Variants in NDEL1 observed in about 807,000 individuals in gnomAD.
NDEL1 encodes nuclear distribution protein nudE-like 1.
A neutral mutation model predicts 45.7 loss-of-function variants in NDEL1; 9 were observed. The ratio of observed to expected loss-of-function variants is 0.20; its 90% confidence interval spans 0.12 to 0.34. NDEL1 has a LOEUF of 0.34. Among genes scored for constraint, NDEL1 ranks in the 10% least tolerant of loss-of-function variants. NDEL1 has a pLI of 1.00. For missense variants in NDEL1, 306 were observed against 406.2 expected (o/e 0.75, Z 2.12); for synonymous variants, 133 against 158.6 (o/e 0.84, Z 1.21).
intron 1 of NDEL1, among the ~76,000 whole-genome samples, chr17:8,423,624 C>T (rs1269682449): frequency 6.6e-6 from 1 of 152,118 alleles, no homozygotes; most frequent in Non-Finnish European, 1.5e-5. Context: ...GCGAAGGTTG[C>T]AGTGAGCCGA....
rs1911652934 is a variant in NDEL1 at position 8,467,160 on chromosome 17, A to T, written c.*137A>T. The T allele has an allele frequency of 2.5e-6, 2 of 802,144 alleles. No homozygotes were observed. Among genetic ancestry groups the T allele is most frequent in the Non-Finnish European group, 4.0e-6 (2 of 494,986 alleles). The allele number at this position is 802,144 out of a possible 1,614,324, so 49.7% of individuals were successfully genotyped here. A position where few individuals can be genotyped will look rare whatever the true frequency, so the allele number is the denominator to read the frequency against. On this transcript the variant is annotated 3_prime_UTR_variant, in exon 9 of 9. Transcript: ENST00000334527. This position sits in a 1 kb window ranked among gnomAD's most constrained non-coding sequence, Gnocchi z 6.3. The stretch of plus-strand genomic sequence containing the variant: ...GGCTGGCAGAGGGCAGGCTGCATGC[A>T]GTGGCGGCTACTGGGCCCTGCCCAG...
intron 1 of NDEL1, among the ~76,000 whole-genome samples, chr17:8,421,543 C>T (rs1268363634): frequency 6.6e-6 from 1 of 152,166 alleles, no homozygotes; most frequent in South Asian, 2.1e-4. Context: ...TCTCTCCGAG[C>T]TTTCAGGAGG....
upstream of NDEL1, chr17:8,435,708 T>G: frequency 3.0e-6 from 1 of 332,080 alleles, no homozygotes; most frequent in Non-Finnish European, 5.9e-6. Context: ...CAGGAGCGCC[T>G]GCGCAAGAGG....
intron 1 of NDEL1, among the ~76,000 whole-genome samples, chr17:8,430,756 A>G (rs1207276450): frequency 2.6e-5 from 4 of 152,186 alleles, no homozygotes; most frequent in African/African-American, 4.8e-5. Flanking sequence ...TACCACCACA[A>G]GGGCTGGTTT....
intron 1 of NDEL1, among the ~76,000 whole-genome samples, chr17:8,424,532 T>C (rs1976346): frequency 0.97 from 147,916 of 152,342 alleles, 71,972 homozygotes; most frequent in Middle Eastern, 1. Flanking sequence ...GACGGAGTCT[T>C]GTTCTGTCGC....
At chr17:8,437,586 T>C (rs1227694777) in intron 1 of NDEL1, among the ~76,000 whole-genome samples, 1 of 152,202 alleles carries the variant, frequency 6.6e-6, no homozygotes, top group Non-Finnish European at 1.5e-5. Context: ...AGACCGTGTT[T>C]ATGATCAACT....
intron 8 of NDEL1, chr17:8,463,326 A>G: frequency 6.2e-7 from 1 of 1,612,676 alleles, no homozygotes; most frequent in Non-Finnish European, 8.5e-7. Context: ...TTAGGCAAGA[A>G]AAAGTCATAT....
At chr17:8,431,636 G>A (rs1909002297), upstream of NDEL1, among the ~76,000 whole-genome samples, 1 of 152,158 alleles carries the variant, frequency 6.6e-6, no homozygotes, top group South Asian at 2.1e-4. Context: ...CATCTTTCTA[G>A]TTGAGAGACT....
At chr17:8,452,097 C>T (rs978824154) in intron 6 of NDEL1, among the ~76,000 whole-genome samples, 4 of 152,088 alleles carry the variant, frequency 2.6e-5, no homozygotes, top group Non-Finnish European at 4.4e-5. Context: ...TTACTAATTG[C>T]GCTAGGTTTA....
Position 8,466,984 on chromosome 17 carries a change from T to C in NDEL1, c.999T>C (p.Arg333=), listed in dbSNP as rs1911638463. 3 of 1,614,218 alleles carry C rather than the reference T, an allele frequency of 1.9e-6. No individual in the cohort carries two copies. The highest frequency in any genetic ancestry group is 2.5e-6 in the Non-Finnish European group (3 of 1,180,044). ...APPPPGLGSS[R]PSSAPGMLPL... ...CTCCTCCTGGTCTGGGCTCCTCGCGTCCATCGTCAGCGCCGGGTATGCTGC... is the reference window on the plus strand; with the variant it reads ...CTCCTCCTGGTCTGGGCTCCTCGCGCCCATCGTCAGCGCCGGGTATGCTGC... The change falls in exon 9 of 9, where the codon CGT becomes CGC. Residue 333 remains arginine, a synonymous_variant. Transcript: ENST00000334527.
chr17:8,425,050 AGG>A (rs1908799030), intron 1 of NDEL1, among the ~76,000 whole-genome samples: 1 of 152,182 alleles, frequency 6.6e-6, no homozygotes, highest in Non-Finnish European at 1.5e-5. Flanking sequence ...CCTTTTCACG[AGG>A]GTGCTCGTTT....
At chr17:8,425,820 C>A (rs1250241863) in intron 1 of NDEL1, among the ~76,000 whole-genome samples, 1 of 148,476 alleles carries the variant, frequency 6.7e-6, no homozygotes, top group Non-Finnish European at 1.5e-5. Context: ...GAGTTAAGGT[C>A]TTGCTCTGTT....
chr17:8,460,005 G>T lies in NDEL1; in HGVS notation c.793-4G>T, dbSNP rs1380009431. ...ACCATATCATTCCTCCTTCTTTTTT[G>T]TAGGCTTTAGAATCCAAATTAGCAG... is the stretch of plus-strand genomic sequence containing the variant. On this transcript the variant is annotated splice_polypyrimidine_tract_variant and splice_region_variant and intron_variant, in intron 7 of 8. Coordinates refer to ENST00000334527, the MANE Select transcript of NDEL1 (RefSeq NM_030808.5). The T allele has an allele frequency of 4.4e-6, 7 of 1,600,826 alleles. No homozygotes were observed. Among genetic ancestry groups the T allele is most frequent in the African/African-American group, 2.7e-5 (2 of 73,894 alleles).
At chr17:8,464,579 C>T (rs1047892510) in intron 8 of NDEL1, 2 of 152,230 alleles carry the variant, frequency 1.3e-5, no homozygotes, top group African/African-American at 4.8e-5. Context: ...CTCCACCCAC[C>T]TTCACATTAA....
chr17:8,428,323 G>GGTGTGTGT (rs61341198), intron 1 of NDEL1, among the ~76,000 whole-genome samples: 8,689 of 61,594 alleles, frequency 0.14, 446 homozygotes, highest in East Asian at 0.3. Flanking sequence ...AAGTGTGTGT[G>GGTGTGTGT]GTGTGTGTGT....
intron 8 of NDEL1, chr17:8,463,332 C>A (rs759000205): frequency 1.2e-6 from 2 of 1,612,660 alleles, no homozygotes; most frequent in East Asian, 4.5e-5. Flanking sequence ...AAGAAAAAGT[C>A]ATATTTCCCA....
At chr17:8,421,029 T>C (rs1299939804) in intron 1 of NDEL1, among the ~76,000 whole-genome samples, 1 of 152,224 alleles carries the variant, frequency 6.6e-6, no homozygotes, top group African/African-American at 2.4e-5. Flanking sequence ...AGATGCACAT[T>C]TGAAATTTCA....
At chr17:8,426,752 G>A (rs1908842446) in intron 1 of NDEL1, among the ~76,000 whole-genome samples, 1 of 152,036 alleles carries the variant, frequency 6.6e-6, no homozygotes, top group South Asian at 2.1e-4. Context: ...AGCATGGCAG[G>A]GTATCAAGTT....
In NDEL1 at chr17:8,455,347, C is replaced by T. The variant is rs182010501; in HGVS notation, c.792+460C>T. 3.9e-5 allele frequency among the ~76,000 whole-genome samples: 6 copies of T among 152,274 alleles called. No homozygotes were observed. The East Asian group carries it at 1.2e-3, about 29-fold the overall frequency. On this transcript the variant is annotated intron_variant, in intron 7 of 8. Transcript: ENST00000334527. The stretch of plus-strand genomic sequence containing the variant: ...TCCTTGGCCACCTCAACTTCAGTGC[C>T]TTCTCCTTGGTGTGAGCCTTGTATT...
Sources: allele counts gnomAD v4.1 joint callset (sites outside exome capture counted in the v4.1 genomes callset), GRCh38; gene constraint gnomAD v4.1.1; non-coding constraint Gnocchi (gnomAD v3.1); transcripts MANE v1.5; gene names NCBI Gene and HGNC (gene_info 2026-07-23, HGNC 2026-07-21).